Variants in AMY2A observed in about 807,000 individuals in gnomAD.
The protein encoded by AMY2A is pancreatic alpha-amylase.
A neutral mutation model predicts 43.0 loss-of-function variants in AMY2A; 16 were observed. That is an observed-to-expected ratio of 0.37 (90% CI 0.25 to 0.56). AMY2A has a LOEUF of 0.56. Among genes scored for constraint, AMY2A ranks in the 20% least tolerant of loss-of-function variants. The probability of loss-of-function intolerance (pLI) is 0.77; values close to 1 mark genes in which losing one functional copy is unlikely to be tolerated. For missense variants in AMY2A, 212 were observed against 456.8 expected (o/e 0.46, Z 4.89); for synonymous variants, 70 against 144.6 (o/e 0.48, Z 3.70).
At chr1:103,623,310 C>T (rs1220742947) in intron 7 of AMY2A, among the ~76,000 whole-genome samples, 7 of 136,054 alleles carry the variant, frequency 5.1e-5, no homozygotes, top group East Asian at 1.9e-4. Context: ...TGGCTTACCA[C>T]GATGTTAAGA....
upstream of AMY2A, chr1:103,616,924 G>C: frequency 3.1e-6 from 3 of 957,596 alleles, no homozygotes; most frequent in African/African-American, 1.8e-5. Flanking sequence ...TGGACCACTT[G>C]TTTCTGTCCT....
At position 103,618,964 on chromosome 1, in the gene AMY2A, T is replaced by C. The variant is rs1390018344; in HGVS notation, c.369T>C (p.Ser123=). ...VINHMCGNAV[S]AGTSSTCGSY... ...ATCATATGTGTGGTAACGCTGTGAG[T>C]GCAGGAACAAGCAGTACCTGTGGAA... is the stretch of plus-strand genomic sequence containing the variant. Residue 123 remains serine (S), a synonymous_variant, in exon 3 of 10, where the codon AGT becomes AGC. Transcript: ENST00000414303. 3 of 1,423,488 alleles carry C rather than the reference T, an allele frequency of 2.1e-6. No homozygotes were observed. Among genetic ancestry groups the C allele is most frequent in the African/African-American group, 1.5e-5 (1 of 66,902 alleles). 88.2% of individuals were successfully genotyped at this position (1,423,488 alleles called of 1,614,324 possible).
upstream of AMY2A, chr1:103,617,340 G>A (rs1653104261): frequency 1.8e-5 from 27 of 1,542,296 alleles, 1 homozygote; most frequent in Non-Finnish European, 2.3e-5. Flanking sequence ...TAAACAGTTT[G>A]CCCTCAAGTA....
upstream of AMY2A, chr1:103,616,921 C>G (rs1653092076): frequency 1.1e-6 from 1 of 944,288 alleles, no homozygotes; most frequent in African/African-American, 1.8e-5. Flanking sequence ...TTCTGGACCA[C>G]TTGTTTCTGT....
intron 2 of AMY2A, among the ~76,000 whole-genome samples, 168 bp downstream of exon 2, chr1:103,618,268 ATT>A (rs2101098536): frequency 6.6e-6 from 1 of 150,788 alleles, no homozygotes; most frequent in Non-Finnish European, 1.5e-5. Flanking sequence ...TTTTGTGAAT[ATT>A]TGTGTGTGTG....
chr1:103,616,866 G>C (rs1308856446), upstream of AMY2A: 1 of 472,400 alleles, frequency 2.1e-6, no homozygotes, highest in African/African-American at 2.1e-5. Context: ...GTATTAATGT[G>C]TCAGGGCTGA....
At chr1:103,619,840 G>T (rs1653191840) in intron 4 of AMY2A, 56 bp downstream of exon 4, 1 of 1,593,666 alleles carries the variant, frequency 6.3e-7, no homozygotes, top group Non-Finnish European at 8.6e-7. Context: ...GAAAATTAAT[G>T]GAAGATTTAA....
chr1:103,619,954 A>C, intron 4 of AMY2A, 170 bp downstream of exon 4: 2 of 1,384,968 alleles, frequency 1.4e-6, no homozygotes, highest in Non-Finnish European at 2.0e-6. Context: ...CTTTATCACA[A>C]CATGTTTTAT....
In AMY2A at chr1:103,619,729, A is replaced by G. The variant is rs140204075; in HGVS notation, c.689A>G (p.His230Arg). The change falls in exon 4 of 10, where the codon CAT becomes CGT. Residue 230 changes from histidine (H) to arginine (R), a missense_variant. Coordinates refer to ENST00000414303, the MANE Select transcript of AMY2A (RefSeq NM_000699.4). ...ATAAAGGCAATTTTGGACAAACTGCATAATCTAAACAGTAACTGGTTCCCT... is the reference window on the plus strand; with the variant it reads ...ATAAAGGCAATTTTGGACAAACTGCGTAATCTAAACAGTAACTGGTTCCCT... ...GDIKAILDKL[H>R]NLNSNWFPAG... 0.037 allele frequency: 59,339 copies of G among 1,588,642 alleles called. 192 individuals are homozygous for G. Among genetic ancestry groups the G allele is most frequent in the Non-Finnish European group, 0.046 (52,865 of 1,157,028 alleles).
At chr1:103,619,976 G>C (rs1184113942) in intron 4 of AMY2A, 192 bp downstream of exon 4, 2 of 1,288,926 alleles carry the variant, frequency 1.6e-6, no homozygotes, top group African/African-American at 2.9e-5. Context: ...GAGGTACACA[G>C]AATGTAGGAT....
upstream of AMY2A, chr1:103,616,928 C>A (rs1653092150): frequency 5.1e-6 from 5 of 972,014 alleles, no homozygotes; most frequent in African/African-American, 5.3e-5. Context: ...CCACTTGTTT[C>A]TGTCCTGTCA....
chr1:103,618,511 A>T (rs1653143820), intron 2 of AMY2A, among the ~76,000 whole-genome samples: 1 of 150,698 alleles, frequency 6.6e-6, no homozygotes. Context: ...AGGAGCATAA[A>T]TTGAGATTAA....
Position 103,617,825 on chromosome 1 carries a change from A to T in AMY2A, c.169-129A>T, listed in dbSNP as rs1480520373. 2.6e-5 allele frequency: 40 copies of T among 1,540,262 alleles called. No individual in the cohort carries two copies. The East Asian group carries it at 9.0e-4, about 35-fold the overall frequency. ...ACCAAGAGCCCTCCAATGTGCTGTT[A>T]ATATTTTCAAGAGATAGCTGCCTAT... On this transcript the variant is annotated intron_variant, in intron 1 of 9. Coordinates refer to ENST00000414303, the MANE Select transcript of AMY2A (RefSeq NM_000699.4).
At chr1:103,617,244 A>G, upstream of AMY2A, 1 of 1,218,490 alleles carries the variant, frequency 8.2e-7, no homozygotes, top group Non-Finnish European at 1.1e-6. Flanking sequence ...AATATCTAAA[A>G]GGTCATTTAG....
At chr1:103,619,821 T>C in intron 4 of AMY2A, 37 bp downstream of exon 4, 2 of 1,601,170 alleles carry the variant, frequency 1.2e-6, no homozygotes. Flanking sequence ...AATATCATCT[T>C]ATTCGTTAGA....
Position 103,618,899 on chromosome 1 carries a change from T to G in AMY2A, c.316-12T>G, listed in dbSNP as rs758793929. 2.9e-5 allele frequency: 30 copies of G among 1,027,958 alleles called. No homozygotes were observed. The South Asian group carries it at 5.0e-4, about 17-fold the overall frequency. The allele number at this position is 1,027,958 out of a possible 1,614,324, so 63.7% of individuals were successfully genotyped here. On this transcript the variant is annotated splice_polypyrimidine_tract_variant and intron_variant, in intron 2 of 9. Transcript: ENST00000414303. ...CTGTAAGTCACACTGAAGTAGAAAC[T>G]TTGTTTTCTAGGTTCGTATTTATGT...
In AMY2A at chr1:103,617,554, T is replaced by C; in HGVS notation, c.114T>C (p.Asp38=). The C allele has an allele frequency of 6.2e-7, 1 of 1,600,972 alleles. No homozygotes were observed. ...IVHLFEWRWV[D]IALECERYLA... is the part of the protein sequence containing the mutation. ...ATCTGTTTGAATGGCGATGGGTTGA[T>C]ATTGCTCTTGAATGTGAGCGATATT... The change falls in exon 1 of 10, where the codon GAT becomes GAC. Residue 38 remains aspartate (D), a synonymous_variant. Transcript: ENST00000414303.
At position 103,619,015 on chromosome 1, in the gene AMY2A, C is replaced by G; in HGVS notation, c.420C>G (p.Asp140Glu). The change falls in exon 3 of 10, where the codon GAC becomes GAG. Residue 140 changes from aspartate to glutamate, a missense_variant. Transcript: ENST00000414303. ...GTTACTTCAACCCTGGAAGTAGGGA[C>G]TTTCCAGCAGTCCCATATTCTGGAT... Reference protein sequence around the residue: ...CGSYFNPGSRDFPAVPYSGWD... With the variant: ...CGSYFNPGSREFPAVPYSGWD... The G allele has an allele frequency of 7.5e-7, 1 of 1,335,424 alleles. No individual in the cohort carries two copies. Among genetic ancestry groups the G allele is most frequent in the East Asian group, 2.4e-5 (1 of 41,134 alleles). The allele number at this position is 1,335,424 out of a possible 1,614,324, so 82.7% of individuals were successfully genotyped here.
At chr1:103,620,018 G>A (rs1240570376) in intron 4 of AMY2A, among the ~76,000 whole-genome samples, 1 of 151,014 alleles carries the variant, frequency 6.6e-6, no homozygotes, top group Non-Finnish European at 1.5e-5. Flanking sequence ...ACTTTCTTTG[G>A]ATAATGAAAC....
Sources: gnomAD v4.1 joint callset for allele counts (sites outside exome capture counted in the v4.1 genomes callset) on GRCh38, gnomAD v4.1.1 for gene constraint, MANE v1.5 for transcripts, NCBI Gene and HGNC (gene_info 2026-07-23, HGNC 2026-07-21) for gene names.